Variants in NOS1AP observed in about 807,000 individuals in gnomAD.
The protein encoded by NOS1AP is carboxyl-terminal PDZ ligand of neuronal nitric oxide synthase protein.
A neutral mutation model predicts 56.2 loss-of-function variants in NOS1AP; 21 were observed. That is an observed-to-expected ratio of 0.37 (90% CI 0.26 to 0.54). The LOEUF is 0.54. Ranked by LOEUF, NOS1AP falls within the 20% of genes least tolerant of loss-of-function variation. NOS1AP has a pLI of 0.84. For missense variants in NOS1AP, 522 were observed against 657.8 expected, an observed-to-expected ratio of 0.79 and a Z score of 2.26; for synonymous variants, 270 against 274.6, an observed-to-expected ratio of 0.98 and a Z score of 0.17.
At chr1:162,261,087 A>G (rs1397308977) in intron 2 of NOS1AP, among the ~76,000 whole-genome samples, 1 of 139,072 alleles carries the variant, frequency 7.2e-6, no homozygotes, top group African/African-American at 2.7e-5. Flanking sequence ...TTATACTCCC[A>G]AAGTGCCTTG....
intron 5 of NOS1AP, among the ~76,000 whole-genome samples, chr1:162,337,672 C>T (rs182777316): frequency 1.3e-5 from 2 of 152,282 alleles, no homozygotes; most frequent in African/African-American, 4.8e-5. Context: ...CTCTGGGGTA[C>T]TAAGTTTCAT....
At chr1:162,323,037 C>T (rs1001016093) in intron 4 of NOS1AP, among the ~76,000 whole-genome samples, 3 of 152,116 alleles carry the variant, frequency 2.0e-5, no homozygotes, top group African/African-American at 4.8e-5. Flanking sequence ...TTCCTCACCC[C>T]GGTACCTGTG....
chr1:162,139,437 G>A (rs1349762748), intron 1 of NOS1AP, among the ~76,000 whole-genome samples: 5 of 152,216 alleles, frequency 3.3e-5, no homozygotes, highest in Admixed American at 2.6e-4. Context: ...AAGGACTGAT[G>A]ACAGGATGTC....
rs373997028 is a variant in NOS1AP, at chr1:162,197,993, C to T, written c.177+43517C>T. 2.6e-5 allele frequency among the ~76,000 whole-genome samples: 4 copies of T among 152,362 alleles called. No homozygotes were observed. The South Asian group carries it at 6.2e-4, about 24-fold the overall frequency. On this transcript the variant is annotated intron_variant, in intron 2 of 9. Coordinates refer to ENST00000361897, the MANE Select transcript of NOS1AP (RefSeq NM_014697.3). The stretch of plus-strand genomic sequence containing the variant: ...TCCACCAGCCTCGCCCAGAGTGTGT[C>T]TTCATCCTACCTGCCATGGGGCGAG...
At chr1:162,324,327 T>C (rs752374609) in intron 4 of NOS1AP, among the ~76,000 whole-genome samples, 1 of 152,042 alleles carries the variant, frequency 6.6e-6, no homozygotes, top group Non-Finnish European at 1.5e-5. Flanking sequence ...TGATGGTTAT[T>C]TTGGAGAAAT....
At chr1:162,172,244 G>A (rs991903446) in intron 2 of NOS1AP, among the ~76,000 whole-genome samples, 6 of 152,246 alleles carry the variant, frequency 3.9e-5, no homozygotes, top group African/African-American at 1.4e-4. Context: ...AACTTGTTGA[G>A]CCTATACTGG....
chr1:162,265,270 C>T lies in NOS1AP; in HGVS notation c.178-22074C>T, dbSNP rs373418864. On this transcript the variant is annotated intron_variant, in intron 2 of 9. Coordinates refer to ENST00000361897, the MANE Select transcript of NOS1AP (RefSeq NM_014697.3). ...TACTTTAAGTTTTAGGGTACATGTGCACAATGTGCAGGTTAGTTACATATA... is the reference window on the plus strand; with the variant it reads ...TACTTTAAGTTTTAGGGTACATGTGTACAATGTGCAGGTTAGTTACATATA... 3.3e-4 allele frequency among the ~76,000 whole-genome samples: 49 copies of T among 150,102 alleles called. 2 individuals are homozygous for T. Among genetic ancestry groups the T allele is most frequent in the African/African-American group, 1.2e-3 (48 of 40,686 alleles).
At chr1:162,240,069 G>A (rs2101679726) in intron 2 of NOS1AP, among the ~76,000 whole-genome samples, 1 of 152,260 alleles carries the variant, frequency 6.6e-6, no homozygotes, top group East Asian at 1.9e-4. Context: ...TTACCCACCT[G>A]CCACGCTAGA....
At chr1:162,175,245 G>T (rs2102138308) in intron 2 of NOS1AP, among the ~76,000 whole-genome samples, 1 of 152,102 alleles carries the variant, frequency 6.6e-6, no homozygotes, top group South Asian at 2.1e-4. Context: ...AGTTAAAACA[G>T]TTAAAACAGT....
intron 3 of NOS1AP, among the ~76,000 whole-genome samples, chr1:162,289,196 CTTCCTTCCTTCCT>C (rs1655187079): frequency 7.9e-6 from 1 of 127,360 alleles, no homozygotes; most frequent in African/African-American, 3.0e-5. Context: ...CCTTTCTTTC[CTTCCTTCCTTCCT>C]TTCCTTCCTT....
intron 4 of NOS1AP, among the ~76,000 whole-genome samples, chr1:162,324,416 C>CTTTTTTTTTTTTTTTTTTTTTTTTTTTT (rs35946766): frequency 6.9e-5 from 5 of 72,148 alleles, no homozygotes; most frequent in Non-Finnish European, 1.4e-4. Flanking sequence ...GGACACTAGC[C>CTTTTTTTTTTTTTTTTTTTTTTTTTTTT]TTTTTTTTTT....
intron 4 of NOS1AP, among the ~76,000 whole-genome samples, chr1:162,327,935 T>C (rs1656646703): frequency 6.6e-6 from 1 of 152,264 alleles, no homozygotes; most frequent in African/African-American, 2.4e-5. Context: ...TAAAATGTGG[T>C]ATGTGTGTTT....
intron 2 of NOS1AP, among the ~76,000 whole-genome samples, chr1:162,169,513 C>G (rs559105540): frequency 6.6e-6 from 1 of 152,314 alleles, no homozygotes; most frequent in African/African-American, 2.4e-5. Flanking sequence ...TAGCTGGGCA[C>G]TCAGACAGCT....
intron 2 of NOS1AP, among the ~76,000 whole-genome samples, chr1:162,240,328 C>T (rs917172595): frequency 1.3e-5 from 2 of 151,292 alleles, no homozygotes; most frequent in Non-Finnish European, 2.9e-5. Flanking sequence ...GGATTCCTGC[C>T]TTCTGGCCCT....
rs1462076746 is a variant in NOS1AP, at chr1:162,369,109, A to ATATATACGTGTGTGTACACATGTGTTTT, written c.*1649_*1650insGTGTGTGTACACATGTGTTTTTATATAC. On this transcript the variant is annotated 3_prime_UTR_variant, in exon 10 of 10. Transcript: ENST00000361897. ...TGTGTGTGTGTGTACACATGTGTTT[A>ATATATACGTGTGTGTACACATGTGTTTT]TATATACATGTGTGAGGGAAAGTGT... The ATATATACGTGTGTGTACACATGTGTTTT allele has an allele frequency of 2.0e-5, 3 of 152,200 alleles. No homozygotes were observed. Among genetic ancestry groups the ATATATACGTGTGTGTACACATGTGTTTT allele is most frequent in the Non-Finnish European group, 2.9e-5 (2 of 68,046 alleles). The allele number at this position is 152,200 out of a possible 1,614,324, so 9.4% of individuals were successfully genotyped here. A position where few individuals can be genotyped will look rare whatever the true frequency, so the allele number is the denominator to read the frequency against.
chr1:162,362,276 C>A (rs1160486688), intron 8 of NOS1AP, among the ~76,000 whole-genome samples: 1 of 152,068 alleles, frequency 6.6e-6, no homozygotes, highest in African/African-American at 2.4e-5. Flanking sequence ...CATGGGGAAA[C>A]CCCGTCTCTA....
intron 2 of NOS1AP, among the ~76,000 whole-genome samples, chr1:162,236,315 C>G (rs374503380): frequency 2.0e-5 from 3 of 152,168 alleles, no homozygotes; most frequent in African/African-American, 7.2e-5. Context: ...ATAACAAAAA[C>G]TACCATTATA....
intron 2 of NOS1AP, among the ~76,000 whole-genome samples, chr1:162,270,283 AT>A (rs896934658): frequency 1.3e-5 from 2 of 152,152 alleles, no homozygotes; most frequent in Non-Finnish European, 2.9e-5. Flanking sequence ...ATCTTTTAGT[AT>A]TGTCAGATCA....
At chr1:162,099,196 T>G (rs1225504039) in intron 1 of NOS1AP, among the ~76,000 whole-genome samples, 1 of 107,652 alleles carries the variant, frequency 9.3e-6, no homozygotes, top group Non-Finnish European at 2.4e-5. Flanking sequence ...ACTTTTTTTT[T>G]GTTTTTTTTT....
Sources: gnomAD v4.1 joint callset for allele counts (sites outside exome capture counted in the v4.1 genomes callset) on GRCh38, gnomAD v4.1.1 for gene constraint, MANE v1.5 for transcripts, NCBI Gene and HGNC (gene_info 2026-07-23, HGNC 2026-07-21) for gene names.